Variants in EPS15L1 observed in about 807,000 individuals in gnomAD.
The protein encoded by EPS15L1 is epidermal growth factor receptor pathway substrate 15 like 1.
In EPS15L1, 43 loss-of-function variants were observed where a neutral mutation model predicts 117.1. The ratio of observed to expected loss-of-function variants is 0.37; its 90% CI spans 0.29 to 0.47. The LOEUF is 0.47. EPS15L1 is among the 20% of genes least tolerant of loss of function. The pLI, the probability that EPS15L1 is intolerant of heterozygous loss-of-function variation, is 0.99. For synonymous variants in EPS15L1, 459 were observed against 470.5 expected (o/e 0.98, Z 0.32); for missense variants, 981 against 1,164.0 (o/e 0.84, Z 2.29).
intron 13 of EPS15L1, among the ~76,000 whole-genome samples, chr19:16,409,057 T>TA (rs1417583873): frequency 1.7e-4 from 25 of 151,046 alleles, no homozygotes; most frequent in East Asian, 3.9e-4. Context: ...CCCTGTCTCT[T>TA]AACAAAAAAA....
At chr19:16,387,079 G>A (rs1390316302) in intron 19 of EPS15L1, among the ~76,000 whole-genome samples, 1 of 152,200 alleles carries the variant, frequency 6.6e-6, no homozygotes, top group East Asian at 1.9e-4. Context: ...GTAAAACGGT[G>A]ATTATAACTG....
In EPS15L1 at chr19:16,471,932, A is replaced by G. The variant is rs1407204052; in HGVS notation, c.14T>C (p.Leu5Pro). 7.7e-7 allele frequency: 1 copy of G among 1,292,740 alleles called. No homozygotes were observed. Among genetic ancestry groups the G allele is most frequent in the Non-Finnish European group, 9.8e-7 (1 of 1,021,476 alleles). The allele number at this position is 1,292,740 out of a possible 1,614,324, so 80.1% of individuals were successfully genotyped here. A position where few individuals can be genotyped will look rare whatever the true frequency, so the allele number is the denominator to read the frequency against. ...CCGTACCTGCTGGGAGAGGGGGATGAGCGGCGCCGCCATCTTCCCGCGGAC... is the reference window on the plus strand; with the variant it reads ...CCGTACCTGCTGGGAGAGGGGGATGGGCGGCGCCGCCATCTTCCCGCGGAC... MAAP[L>P]IPLSQQIPTG... Residue 5 changes from leucine (L) to proline (P), a missense_variant, in exon 1 of 24, where the codon CTC becomes CCC. Transcript: ENST00000455140. The surrounding 1 kb of genome is among the most constrained non-coding windows in gnomAD (Gnocchi z 4.8).
intron 8 of EPS15L1, among the ~76,000 whole-genome samples, chr19:16,426,804 G>C (rs1362700707): frequency 6.6e-6 from 1 of 152,172 alleles, no homozygotes; most frequent in Non-Finnish European, 1.5e-5. Context: ...TGGGACAACT[G>C]ATAAAATCTG....
At chr19:16,373,111 G>A (rs1269300318) in intron 22 of EPS15L1, among the ~76,000 whole-genome samples, 2 of 152,236 alleles carry the variant, frequency 1.3e-5, no homozygotes, top group African/African-American at 2.4e-5. Context: ...TGATTTCCAT[G>A]AGTGCAGGTG....
chr19:16,385,054 G>A (rs1015670950), intron 21 of EPS15L1, 75 bp downstream of exon 21: 10 of 1,146,756 alleles, frequency 8.7e-6, no homozygotes, highest in South Asian at 2.5e-5. Context: ...GAACAATTAC[G>A]CCTGGCAGCC....
At chr19:16,364,327 G>C (rs2092102477) in intron 22 of EPS15L1, among the ~76,000 whole-genome samples, 1 of 152,228 alleles carries the variant, frequency 6.6e-6, no homozygotes, top group South Asian at 2.1e-4. Flanking sequence ...AGCCCACGCG[G>C]GCAGGACAGG....
intron 11 of EPS15L1, 121 bp from the exon 12 acceptor site, chr19:16,417,758 A>G: frequency 1.7e-6 from 2 of 1,158,720 alleles, no homozygotes; most frequent in East Asian, 2.5e-5. Context: ...GTGAGGTAGC[A>G]AAAGTGTCAG....
intron 1 of EPS15L1, 107 bp from the exon 2 acceptor site, chr19:16,442,326 G>C: frequency 2.6e-6 from 2 of 764,370 alleles, no homozygotes; most frequent in East Asian, 2.6e-5. Flanking sequence ...ATGATAGTTA[G>C]AGTCAAAATG....
intron 21 of EPS15L1, among the ~76,000 whole-genome samples, chr19:16,378,248 A>AT (rs2144707224): frequency 6.6e-6 from 1 of 152,126 alleles, no homozygotes; most frequent in Admixed American, 6.5e-5. Context: ...CCAAGCTCTC[A>AT]TTAAGGCATG....
Position 16,404,246 on chromosome 19 carries a change from C to A in EPS15L1, c.1429-316G>T, listed in dbSNP as rs2092631742. 6.6e-6 allele frequency among the ~76,000 whole-genome samples: 1 copy of A among 152,182 alleles called. No homozygotes were observed. The highest frequency in any genetic ancestry group is 2.4e-5 in the African/African-American group (1 of 41,444). On this transcript the variant is annotated intron_variant, in intron 14 of 23. Transcript: ENST00000455140. This position sits in a 1 kb window ranked among gnomAD's most constrained non-coding sequence, Gnocchi z 4.2. ...TCATAGAGTTTTCTGAGGTTGCAGCCTCCGGGATCTGTGAGGAGCCTCAGA... is the reference window on the plus strand; with the variant it reads ...TCATAGAGTTTTCTGAGGTTGCAGCATCCGGGATCTGTGAGGAGCCTCAGA...
chr19:16,460,374 C>A (rs182470598), intron 1 of EPS15L1, among the ~76,000 whole-genome samples: 64 of 152,316 alleles, frequency 4.2e-4, no homozygotes, highest in Middle Eastern at 3.4e-3. Context: ...GATAAGTACA[C>A]ACCTGTAAAA....
At chr19:16,401,735 C>T in intron 16 of EPS15L1, 1 of 985,380 alleles carries the variant, frequency 1.0e-6, no homozygotes, top group Non-Finnish European at 1.2e-6. Flanking sequence ...GGCCTGATCA[C>T]AACTCCAGGG....
intron 7 of EPS15L1, among the ~76,000 whole-genome samples, chr19:16,432,498 G>A (rs1251289904): frequency 6.6e-6 from 1 of 152,202 alleles, no homozygotes; most frequent in African/African-American, 2.4e-5. Flanking sequence ...AACCCAGGAG[G>A]CGGAGCTTGC....
chr19:16,389,242 C>T (rs764976815), intron 19 of EPS15L1, among the ~76,000 whole-genome samples: 4 of 151,304 alleles, frequency 2.6e-5, no homozygotes, highest in African/African-American at 4.9e-5. Flanking sequence ...ATTGCTTGAG[C>T]CTAGGAGTTT....
At chr19:16,442,447 T>A (rs1170192451) in intron 1 of EPS15L1, among the ~76,000 whole-genome samples, 1 of 152,202 alleles carries the variant, frequency 6.6e-6, no homozygotes, top group Non-Finnish European at 1.5e-5. Context: ...TAATAAATCC[T>A]GATTCTAGGG....
At chr19:16,369,708 T>TGTGTGTGTGTGTGTGTGTGTGTG (rs60720757) in intron 22 of EPS15L1, among the ~76,000 whole-genome samples, 1 of 139,724 alleles carries the variant, frequency 7.2e-6, no homozygotes, top group Non-Finnish European at 1.6e-5. Flanking sequence ...TGTGTGTGTG[T>TGTGTGTGTGTGTGTGTGTGTGTG]AGGGTGGGGT....
In EPS15L1 at chr19:16,379,534, G is replaced by A. The variant is rs535872000; in HGVS notation, c.2248-2280C>T. Among the ~76,000 whole-genome samples, 30 of 152,340 alleles carry A rather than the reference G, an allele frequency of 2.0e-4. No individual in the cohort carries two copies. The South Asian group carries it at 5.2e-3, about 26-fold the overall frequency. On this transcript the variant is annotated intron_variant, in intron 21 of 23. Transcript: ENST00000455140. ...TGTGGGGGAAAAGGTCTACCACCAC[G>A]TCCAGCAGACAGTCTTAGAGGTATG... is the stretch of plus-strand genomic sequence containing the variant.
chr19:16,409,986 T>C (rs116140880), intron 13 of EPS15L1, among the ~76,000 whole-genome samples: 3,489 of 137,986 alleles, frequency 0.025, 114 homozygotes, highest in Admixed American at 0.089. Context: ...AGAACCCAAT[T>C]AACCAGGTGT....
chr19:16,418,693 G>A (rs897041771), intron 10 of EPS15L1, among the ~76,000 whole-genome samples: 1 of 152,186 alleles, frequency 6.6e-6, no homozygotes, highest in African/African-American at 2.4e-5. Flanking sequence ...GGTGTTGGGA[G>A]GTGGGGCCTC....
Sources: gnomAD v4.1 joint callset for allele counts (sites outside exome capture counted in the v4.1 genomes callset) on GRCh38, gnomAD v4.1.1 for gene constraint, Gnocchi (gnomAD v3.1) non-coding constraint, MANE v1.5 for transcripts, NCBI Gene and HGNC (gene_info 2026-07-23, HGNC 2026-07-21) for gene names.